Variants in MMP16 observed in about 807,000 individuals in gnomAD.
MMP16 encodes the protein matrix metalloproteinase-16.
MMP16 carries 12 observed loss-of-function variants against 67.8 expected under a neutral mutation model. The ratio of observed to expected loss-of-function variants is 0.18; its 90% CI spans 0.11 to 0.29. The LOEUF is 0.29. Among genes scored for constraint, MMP16 ranks in the 10% least tolerant of loss-of-function variants. The pLI is 1.00. For synonymous variants in MMP16, 249 were observed against 255.9 expected, an observed-to-expected ratio of 0.97 and a Z score of 0.26; for missense variants, 475 against 765.7, an observed-to-expected ratio of 0.62 and a Z score of 4.48.
intron 1 of MMP16, among the ~76,000 whole-genome samples, chr8:88,278,978 T>C (rs1810690624): frequency 6.6e-6 from 1 of 152,078 alleles, no homozygotes; most frequent in African/African-American, 2.4e-5. Flanking sequence ...ACACTTGAAA[T>C]AGGGCTAGTT....
At chr8:88,065,254 A>G (rs1808450186) in intron 7 of MMP16, among the ~76,000 whole-genome samples, 1 of 152,118 alleles carries the variant, frequency 6.6e-6, no homozygotes, top group Non-Finnish European at 1.5e-5. Flanking sequence ...ACAGGGCACA[A>G]CAAACAAAGT....
chr8:88,256,935 A>G (rs1011068213), intron 1 of MMP16, among the ~76,000 whole-genome samples: 2 of 152,196 alleles, frequency 1.3e-5, no homozygotes, highest in African/African-American at 4.8e-5. Context: ...GCATAACTGT[A>G]GATTCATTAT....
At chr8:88,190,234 T>C (rs1323164744) in intron 2 of MMP16, among the ~76,000 whole-genome samples, 1 of 152,180 alleles carries the variant, frequency 6.6e-6, no homozygotes, top group Admixed American at 6.5e-5. Flanking sequence ...TCACCAATAT[T>C]TGTATCTAAA....
intron 1 of MMP16, among the ~76,000 whole-genome samples, chr8:88,249,071 C>T (rs561281390): frequency 1.4e-4 from 21 of 151,766 alleles, no homozygotes; most frequent in African/African-American, 2.7e-4. Flanking sequence ...TCCTCAGAGA[C>T]GCCTGGAACC....
At chr8:88,216,324 C>T (rs1343539129) in intron 1 of MMP16, among the ~76,000 whole-genome samples, 1 of 152,058 alleles carries the variant, frequency 6.6e-6, no homozygotes, top group Non-Finnish European at 1.5e-5. Flanking sequence ...TTTAATTTTT[C>T]TGAACCATTG....
intron 6 of MMP16, among the ~76,000 whole-genome samples, chr8:88,089,331 A>G (rs1257233513): frequency 2.0e-5 from 3 of 152,216 alleles, no homozygotes; most frequent in Admixed American, 6.6e-5. Context: ...TCTATGCTTC[A>G]TAAGGCTGAA....
intron 1 of MMP16, among the ~76,000 whole-genome samples, chr8:88,284,150 C>T (rs930366898): frequency 2.0e-5 from 3 of 152,138 alleles, no homozygotes; most frequent in Admixed American, 2.0e-4. Flanking sequence ...GAAATGGCAA[C>T]AGACATTGCT....
intron 1 of MMP16, among the ~76,000 whole-genome samples, chr8:88,243,858 G>A (rs1271173657): frequency 1.3e-5 from 2 of 152,066 alleles, no homozygotes; most frequent in Non-Finnish European, 2.9e-5. Context: ...GTTGCCAGTC[G>A]AAGATATTAC....
intron 1 of MMP16, among the ~76,000 whole-genome samples, chr8:88,243,417 A>G (rs934181854): frequency 6.6e-6 from 1 of 152,146 alleles, no homozygotes; most frequent in East Asian, 1.9e-4. Flanking sequence ...TGGTCCCCAC[A>G]TCACTGCCTT....
chr8:88,074,219 A>T (rs1808607537), intron 7 of MMP16, among the ~76,000 whole-genome samples: 1 of 152,150 alleles, frequency 6.6e-6, no homozygotes. Flanking sequence ...ATCAAGTAAA[A>T]TTTCAGAGAT....
Position 88,246,753 on chromosome 8 carries a change from G to A in MMP16, c.133-49447C>T, listed in dbSNP as rs1045568516. Among the ~76,000 whole-genome samples the A allele has an allele frequency of 3.3e-5, 5 of 152,038 alleles. No individual in the cohort carries two copies. In the South Asian group the frequency reaches 1.0e-3, roughly 31 times the overall value. ...TTGTTTAAGGAAAATAACCTATCAA[G>A]ACATATGTGATACTATTTAATTAGA... On this transcript the variant is annotated intron_variant, in intron 1 of 9. Transcript: ENST00000286614.
chr8:88,206,651 T>TG (rs1803177718), intron 1 of MMP16, among the ~76,000 whole-genome samples: 1 of 152,246 alleles, frequency 6.6e-6, no homozygotes, highest in Non-Finnish European at 1.5e-5. Flanking sequence ...TAATCTTAAA[T>TG]GTTATGTATA....
intron 1 of MMP16, among the ~76,000 whole-genome samples, chr8:88,315,895 T>A (rs1216832521): frequency 6.6e-6 from 1 of 152,126 alleles, no homozygotes; most frequent in Non-Finnish European, 1.5e-5. Flanking sequence ...AAGGGAAAAG[T>A]TTCTGAAAGA....
chr8:88,325,964 A>G (rs1811530722), intron 1 of MMP16, among the ~76,000 whole-genome samples: 2 of 152,262 alleles, frequency 1.3e-5, no homozygotes, highest in South Asian at 4.1e-4. Context: ...GCATGTTCAA[A>G]TACTGTGCAA....
intron 4 of MMP16, among the ~76,000 whole-genome samples, chr8:88,155,001 C>A (rs1408975651): frequency 6.6e-6 from 1 of 151,850 alleles, no homozygotes; most frequent in Non-Finnish European, 1.5e-5. Flanking sequence ...AAGTCTTTCC[C>A]TAGGTTTCTA....
chr8:88,105,517 G>T (rs1183760545), intron 6 of MMP16, among the ~76,000 whole-genome samples: 1 of 151,470 alleles, frequency 6.6e-6, no homozygotes, highest in Admixed American at 6.6e-5. Context: ...AAACTGCAAA[G>T]TAGTGTAAGA....
chr8:88,097,096 C>T (rs1207791222), intron 6 of MMP16, among the ~76,000 whole-genome samples: 2 of 151,902 alleles, frequency 1.3e-5, no homozygotes, highest in Non-Finnish European at 2.9e-5. Context: ...TATTCGATGT[C>T]ACCTGTAATA....
chr8:88,133,172 G>C (rs780081380), intron 4 of MMP16, among the ~76,000 whole-genome samples: 4 of 151,496 alleles, frequency 2.6e-5, no homozygotes, highest in Non-Finnish European at 5.9e-5. Flanking sequence ...CTTAAGCAGA[G>C]AGGAAAAAAG....
chr8:88,065,510 A>C (rs944781074), intron 7 of MMP16, among the ~76,000 whole-genome samples: 1 of 152,098 alleles, frequency 6.6e-6, no homozygotes, highest in African/African-American at 2.4e-5. Flanking sequence ...ATAAATATTT[A>C]TAATTCAAAA....
Sources: allele counts gnomAD v4.1 joint callset (sites outside exome capture counted in the v4.1 genomes callset), GRCh38; gene constraint gnomAD v4.1.1; transcripts MANE v1.5; gene names NCBI Gene and HGNC (gene_info 2026-07-23, HGNC 2026-07-21).